Variants in RIPOR3 observed in about 807,000 individuals in gnomAD.
RIPOR3 encodes family with sequence similarity 65 member C.
Under a neutral mutation model 114.3 loss-of-function variants are expected in RIPOR3, and 95 were observed. That is an observed-to-expected ratio of 0.83 (90% confidence interval 0.70 to 0.99). RIPOR3 has a LOEUF of 0.99. Among genes scored for constraint, RIPOR3 ranks in the 50% least tolerant of loss-of-function variants. RIPOR3 has a pLI of 0.00. For missense variants in RIPOR3, 1,252 were observed against 1,266.9 expected (o/e 0.99, Z 0.18); for synonymous variants, 575 against 543.8 (o/e 1.06, Z -0.80).
chr20:50,654,422 G>GTT (rs34825514), intron 1 of RIPOR3, among the ~76,000 whole-genome samples: 577 of 56,122 alleles, frequency 0.01, 112 homozygotes, highest in Middle Eastern at 0.023. Flanking sequence ...AGGAGGCAGA[G>GTT]TTTTTTTTTT....
At chr20:50,609,084 C>T in intron 8 of RIPOR3, 129 bp from the exon 9 acceptor site, 1 of 1,370,658 alleles carries the variant, frequency 7.3e-7, no homozygotes, top group Non-Finnish European at 1.0e-6. Context: ...GGGGGAGGTA[C>T]ACCATCATGA....
intron 1 of RIPOR3, among the ~76,000 whole-genome samples, chr20:50,684,035 T>C (rs1175717939): frequency 5.9e-5 from 9 of 151,716 alleles, no homozygotes. Flanking sequence ...GAGCCGAGAT[T>C]ACACCATTGT....
chr20:50,633,311 G>T (rs2084880249), intron 1 of RIPOR3, among the ~76,000 whole-genome samples: 1 of 152,130 alleles, frequency 6.6e-6, no homozygotes, highest in Non-Finnish European at 1.5e-5. Flanking sequence ...TAAATGTTCA[G>T]GAATTTTGTG....
intron 4 of RIPOR3, among the ~76,000 whole-genome samples, chr20:50,614,095 GTA>G (rs2084074268): frequency 6.6e-6 from 1 of 152,172 alleles, no homozygotes; most frequent in Non-Finnish European, 1.5e-5. Flanking sequence ...GTGTGCAGTG[GTA>G]CGATCTCACC....
chr20:50,643,524 C>T (rs553496021), intron 1 of RIPOR3, among the ~76,000 whole-genome samples: 43 of 151,474 alleles, frequency 2.8e-4, no homozygotes, highest in Admixed American at 7.9e-4. Context: ...AGAGACCCAT[C>T]TCTACAAGAA....
At chr20:50,664,144 C>A (rs1326473207) in intron 1 of RIPOR3, among the ~76,000 whole-genome samples, 1 of 152,182 alleles carries the variant, frequency 6.6e-6, no homozygotes, top group Non-Finnish European at 1.5e-5. Flanking sequence ...TCAGGCTGGT[C>A]TCGAACTCCT....
chr20:50,608,587 G>A lies in RIPOR3; in HGVS notation c.810+26C>T, dbSNP rs1475155240. ...CTGAGCCGAACACCCAGGCACCCCA[G>A]CCCTGCCCCCGGGCCCCATCCCCAC... On this transcript the variant is annotated intron_variant, in intron 10 of 21. Transcript: ENST00000327979. The A allele has an allele frequency of 4.3e-6, 7 of 1,613,726 alleles. 1 individual carries two copies. The Admixed American group carries it at 6.7e-5, about 15-fold the overall frequency.
At chr20:50,659,134 GA>G (rs1267233866) in intron 1 of RIPOR3, among the ~76,000 whole-genome samples, 2 of 151,870 alleles carry the variant, frequency 1.3e-5, no homozygotes, top group Non-Finnish European at 2.9e-5. Context: ...TGGTATGAAA[GA>G]AAAAAAATAA....
intron 18 of RIPOR3, among the ~76,000 whole-genome samples, 175 bp from the exon 19 acceptor site, chr20:50,592,721 A>C (rs1426240745): frequency 6.6e-6 from 1 of 152,198 alleles, no homozygotes; most frequent in Non-Finnish European, 1.5e-5. Context: ...AATCTCCAGG[A>C]AGGCCTTTTA....
Position 50,602,366 on chromosome 20 carries a change from G to A in RIPOR3, c.1365C>T (p.Leu455=). The change falls in exon 13 of 22, where the codon CTC becomes CTT. Residue 455 remains leucine (L), a synonymous_variant. Coordinates refer to ENST00000327979, the MANE Select transcript of RIPOR3 (RefSeq NM_001290268.2). The surrounding 1 kb of genome is among the most constrained non-coding windows in gnomAD (Gnocchi z 4.3). The part of the protein sequence containing the change: ...EAREDPLPPG[L]LPEMAHLSGG... ...CAGAGAGGTGGGCCATCTCTGGCAG[G>A]AGACCTGGGGGCAGGGGGTCCTCCC... is the stretch of plus-strand genomic sequence containing the variant. The A allele has an allele frequency of 1.2e-6, 2 of 1,613,606 alleles. No individual in the cohort carries two copies. Among genetic ancestry groups the A allele is most frequent in the Non-Finnish European group, 1.7e-6 (2 of 1,179,942 alleles).
At chr20:50,592,884 G>T in intron 18 of RIPOR3, 151 bp downstream of exon 18, 1 of 1,068,736 alleles carries the variant, frequency 9.4e-7, no homozygotes, top group Non-Finnish European at 1.4e-6. Context: ...AGCCCCCATC[G>T]GCTGAACGCA....
intron 1 of RIPOR3, among the ~76,000 whole-genome samples, chr20:50,679,135 A>T (rs36046265): frequency 0.041 from 831 of 20,130 alleles, 38 homozygotes; most frequent in East Asian, 0.1. Flanking sequence ...AAAAAAAAAA[A>T]ATATATATAT....
chr20:50,644,476 ATTTCT>A (rs907852714), intron 1 of RIPOR3, among the ~76,000 whole-genome samples: 27 of 151,796 alleles, frequency 1.8e-4, no homozygotes, highest in African/African-American at 6.0e-4. Context: ...ATTGGTACAT[ATTTCT>A]TTTCTTTTCT....
In RIPOR3 at chr20:50,592,473, G is replaced by T. The variant is rs564204285; in HGVS notation, c.2448C>A (p.Gly816=). The T allele has an allele frequency of 3.1e-6, 5 of 1,611,178 alleles. No homozygotes were observed. The East Asian group carries it at 1.1e-4, about 36-fold the overall frequency. Residue 816 remains glycine (G), a synonymous_variant, in exon 19 of 22, where the codon GGC becomes GGA. Transcript: ENST00000327979. ...AGGTCTGGGGCAGAGGCTGGAGCTG[G>T]CCCAGCCGCTTCCCCTGCAGCTTCC... The part of the protein sequence containing the change: ...VVRKLQGKRL[G]QLQPLPQTLR...
chr20:50,609,483 C>G lies in RIPOR3; in HGVS notation c.576+90G>C, dbSNP rs1162679281. 26 of 1,457,998 alleles carry G rather than the reference C, an allele frequency of 1.8e-5. No individual in the cohort carries two copies. In the South Asian group the frequency reaches 2.1e-4, roughly 12 times the overall value. 90.3% of individuals were successfully genotyped at this position (1,457,998 alleles called of 1,614,324 possible). A position where few individuals can be genotyped will look rare whatever the true frequency, so the allele number is the denominator to read the frequency against. On this transcript the variant is annotated intron_variant, in intron 7 of 21. Transcript: ENST00000327979. ...CTCCTTGGGGCCCAGAACACCTCCT[C>G]CAGCCCCCACTGGCCCAGCTCTCGA... is the stretch of plus-strand genomic sequence containing the variant.
chr20:50,622,043 C>T (rs1234099350), intron 2 of RIPOR3, among the ~76,000 whole-genome samples: 1 of 152,176 alleles, frequency 6.6e-6, no homozygotes, highest in Admixed American at 6.6e-5. Context: ...CTTTGCTCAC[C>T]AACAGATGTG....
At chr20:50,656,741 G>A (rs953993974) in intron 1 of RIPOR3, among the ~76,000 whole-genome samples, 4 of 152,096 alleles carry the variant, frequency 2.6e-5, no homozygotes, top group East Asian at 1.9e-4. Context: ...CTCATGATCC[G>A]CCCACCTCGG....
intron 1 of RIPOR3, among the ~76,000 whole-genome samples, chr20:50,676,206 GCTGCTTC>G (rs2086671766): frequency 6.6e-6 from 1 of 152,194 alleles, no homozygotes; most frequent in South Asian, 2.1e-4. Flanking sequence ...ACCCCGACGG[GCTGCTTC>G]CTGCATGGGG....
intron 11 of RIPOR3, among the ~76,000 whole-genome samples, chr20:50,607,303 G>A (rs2083758829): frequency 6.6e-6 from 1 of 152,168 alleles, no homozygotes; most frequent in Non-Finnish European, 1.5e-5. Context: ...AGGGAAGGGT[G>A]GGAATCCAGG....
Sources: allele counts gnomAD v4.1 joint callset (sites outside exome capture counted in the v4.1 genomes callset), GRCh38; gene constraint gnomAD v4.1.1; non-coding constraint Gnocchi (gnomAD v3.1); transcripts MANE v1.5; gene names NCBI Gene and HGNC (gene_info 2026-07-23, HGNC 2026-07-21).